Variants in CTIF observed in about 807,000 individuals in gnomAD.
CTIF encodes the protein CBP80/20-dependent translation initiation factor.
Under a neutral mutation model 66.0 loss-of-function variants are expected in CTIF, and 21 were observed. The ratio of observed to expected loss-of-function variants is 0.32; its 90% CI spans 0.23 to 0.46. The LOEUF (loss-of-function observed/expected upper bound fraction) is 0.46, where lower values mean the gene tolerates loss of function less well. CTIF is among the 20% of genes least tolerant of loss of function. The probability of loss-of-function intolerance (pLI) is 1.00; values close to 1 mark genes in which losing one functional copy is unlikely to be tolerated. For missense variants in CTIF, 739 were observed against 812.7 expected (o/e 0.91, Z 1.10); for synonymous variants, 345 against 326.4 (o/e 1.06, Z -0.62).
chr18:48,791,627 G>T (rs2067795554), intron 9 of CTIF, among the ~76,000 whole-genome samples: 1 of 151,996 alleles, frequency 6.6e-6, no homozygotes, highest in Admixed American at 6.6e-5. Flanking sequence ...CTGAGGGCCA[G>T]CACCTCAATC....
intron 10 of CTIF, among the ~76,000 whole-genome samples, chr18:48,851,299 C>T (rs536019681): frequency 1.3e-5 from 2 of 152,338 alleles, no homozygotes; most frequent in East Asian, 3.9e-4. Flanking sequence ...AGCAGGGAGA[C>T]TGTGGAACCG....
chr18:48,715,384 G>T (rs1010432800), intron 7 of CTIF, among the ~76,000 whole-genome samples: 5 of 152,354 alleles, frequency 3.3e-5, no homozygotes, highest in East Asian at 3.9e-4. Context: ...ACAAAATTAT[G>T]CATTTTGTGA....
chr18:48,671,431 A>G (rs768006976), intron 6 of CTIF, among the ~76,000 whole-genome samples: 4 of 151,470 alleles, frequency 2.6e-5, no homozygotes, highest in Non-Finnish European at 5.9e-5. Context: ...CTACCACCAC[A>G]CTCCACTGTG....
At chr18:48,702,921 A>G (rs543447805) in intron 6 of CTIF, among the ~76,000 whole-genome samples, 2 of 152,030 alleles carry the variant, frequency 1.3e-5, no homozygotes, top group East Asian at 3.9e-4. Flanking sequence ...GAAAAAAAAA[A>G]ACATGAAAAA....
intron 1 of CTIF, among the ~76,000 whole-genome samples, chr18:48,611,375 C>T (rs2090305059): frequency 6.6e-6 from 1 of 152,234 alleles, no homozygotes; most frequent in Admixed American, 6.5e-5. Flanking sequence ...GAGGTCATGC[C>T]TGGTTCTGAG....
In CTIF at chr18:48,704,461, T is replaced by A. The variant is rs1230964536; in HGVS notation, c.508-7158T>A. Among the ~76,000 whole-genome samples, 4 of 152,212 alleles carry A rather than the reference T, an allele frequency of 2.6e-5. No homozygotes were observed. The South Asian group carries it at 8.3e-4, about 32-fold the overall frequency. ...GGGTGATTTTGCCCACCACTCCACCTGGGTTAGTTTCCCGGGGCCGCCATA... is the reference window on the plus strand; with the variant it reads ...GGGTGATTTTGCCCACCACTCCACCAGGGTTAGTTTCCCGGGGCCGCCATA... On this transcript the variant is annotated intron_variant, in intron 6 of 11. Transcript: ENST00000256413.
intron 10 of CTIF, among the ~76,000 whole-genome samples, chr18:48,830,712 C>G (rs909083881): frequency 1.3e-5 from 2 of 151,008 alleles, no homozygotes; most frequent in African/African-American, 4.9e-5. Context: ...CAGGGCTCTG[C>G]TCAGAAGTCA....
chr18:48,729,373 G>A (rs544091989), intron 7 of CTIF, among the ~76,000 whole-genome samples: 2 of 152,268 alleles, frequency 1.3e-5, no homozygotes, highest in Admixed American at 1.3e-4. Context: ...GGCTTTAATT[G>A]GAAGCGTATT....
At chr18:48,780,506 G>A (rs1363479580) in intron 9 of CTIF, among the ~76,000 whole-genome samples, 1 of 152,196 alleles carries the variant, frequency 6.6e-6, no homozygotes, top group African/African-American at 2.4e-5. Flanking sequence ...GGGAGACTGT[G>A]GGAGGGTGAG....
intron 1 of CTIF, among the ~76,000 whole-genome samples, chr18:48,593,711 A>G (rs2089936590): frequency 6.7e-6 from 1 of 149,306 alleles, no homozygotes; most frequent in African/African-American, 2.5e-5. Flanking sequence ...TTTAAAGCTG[A>G]CTTTTATGTT....
intron 7 of CTIF, among the ~76,000 whole-genome samples, chr18:48,737,532 C>T (rs151322538): frequency 7.2e-4 from 109 of 151,888 alleles, no homozygotes; most frequent in African/African-American, 2.6e-3. Flanking sequence ...TTTTAGAAAT[C>T]AATCAGATGG....
chr18:48,710,677 A>G (rs1441836033), intron 6 of CTIF, among the ~76,000 whole-genome samples: 13 of 152,160 alleles, frequency 8.5e-5, no homozygotes, highest in Admixed American at 7.9e-4. Flanking sequence ...TCTCTCTCCA[A>G]CCTTGATGTA....
intron 9 of CTIF, among the ~76,000 whole-genome samples, chr18:48,768,373 C>A (rs955433149): frequency 6.6e-6 from 1 of 152,112 alleles, no homozygotes; most frequent in African/African-American, 2.4e-5. Context: ...AGGCATGGAG[C>A]CATCAGTCAT....
intron 6 of CTIF, among the ~76,000 whole-genome samples, chr18:48,686,672 G>A (rs1368503492): frequency 6.6e-6 from 1 of 152,170 alleles, no homozygotes; most frequent in Non-Finnish European, 1.5e-5. Flanking sequence ...TCCTGGCTAT[G>A]TGGAAAGGGA....
At chr18:48,616,308 G>A (rs527904393) in intron 1 of CTIF, among the ~76,000 whole-genome samples, 9 of 152,334 alleles carry the variant, frequency 5.9e-5, no homozygotes, top group East Asian at 3.9e-4. Context: ...CCCATCCAGC[G>A]GAGGCCAGCT....
At chr18:48,663,042 A>G (rs1241040006) in intron 3 of CTIF, among the ~76,000 whole-genome samples, 1 of 152,146 alleles carries the variant, frequency 6.6e-6, no homozygotes, top group Non-Finnish European at 1.5e-5. Context: ...TCTGGGTCAT[A>G]CGGCGTGCAC....
At chr18:48,600,079 A>C (rs1257005509) in intron 1 of CTIF, among the ~76,000 whole-genome samples, 1 of 152,182 alleles carries the variant, frequency 6.6e-6, no homozygotes, top group Non-Finnish European at 1.5e-5. Context: ...AATTGGAGAG[A>C]CTAATAGCAT....
chr18:48,569,352 G>A (rs746282907), intron 1 of CTIF, among the ~76,000 whole-genome samples: 49 of 152,072 alleles, frequency 3.2e-4, no homozygotes, highest in Admixed American at 5.9e-4. Flanking sequence ...ACTTGATCTG[G>A]GGGAGGTGGG....
At chr18:48,725,945 C>G (rs2092382943) in intron 7 of CTIF, among the ~76,000 whole-genome samples, 1 of 152,110 alleles carries the variant, frequency 6.6e-6, no homozygotes, top group South Asian at 2.1e-4. Flanking sequence ...TGTAGGTGGT[C>G]CTTTGAGAAT....
Sources: allele counts gnomAD v4.1 joint callset (sites outside exome capture counted in the v4.1 genomes callset), GRCh38; gene constraint gnomAD v4.1.1; transcripts MANE v1.5; gene names NCBI Gene and HGNC (gene_info 2026-07-23, HGNC 2026-07-21).